The following REC114 variants were observed in gnomAD, a reference collection of about 807,000 sequenced individuals.
The protein encoded by REC114 is REC114 meiotic recombination protein.
REC114 carries 27 observed loss-of-function variants against 31.3 expected under a neutral mutation model. That is an observed-to-expected ratio of 0.86 (90% CI 0.64 to 1.19). The LOEUF (loss-of-function observed/expected upper bound fraction) is 1.19, where lower values mean the gene tolerates loss of function less well. Ranked by LOEUF, REC114 falls within the 50% of genes most tolerant of loss-of-function variation. REC114 has a pLI of 0.00. For missense variants in REC114, 344 were observed against 326.9 expected, an observed-to-expected ratio of 1.05 and a Z score of -0.40; for synonymous variants, 134 against 127.7, an observed-to-expected ratio of 1.05 and a Z score of -0.33.
At chr15:73,451,363 A>T (rs1892845508) in intron 1 of REC114, among the ~76,000 whole-genome samples, 2 of 152,356 alleles carry the variant, frequency 1.3e-5, no homozygotes, top group African/African-American at 4.8e-5. Flanking sequence ...CTCTACACAA[A>T]TAAACTAGAA....
At chr15:73,558,702 C>T (rs1384535091) in intron 5 of REC114, among the ~76,000 whole-genome samples, 2 of 152,196 alleles carry the variant, frequency 1.3e-5, no homozygotes, top group African/African-American at 4.8e-5. Flanking sequence ...CTCTCATCTA[C>T]ACTGCTAGTG....
intron 2 of REC114, among the ~76,000 whole-genome samples, chr15:73,502,903 C>T (rs914071691): frequency 6.6e-6 from 1 of 152,154 alleles, no homozygotes; most frequent in Non-Finnish European, 1.5e-5. Flanking sequence ...TTTTTCTATG[C>T]ATGCTTCAAT....
chr15:73,536,246 AT>A (rs1419363484), intron 2 of REC114, among the ~76,000 whole-genome samples: 1 of 152,042 alleles, frequency 6.6e-6, no homozygotes, highest in Non-Finnish European at 1.5e-5. Context: ...CTGAACCTCA[AT>A]TTTTCTGCCT....
intron 2 of REC114, among the ~76,000 whole-genome samples, chr15:73,523,392 C>G (rs1893963012): frequency 6.6e-6 from 1 of 151,956 alleles, no homozygotes; most frequent in African/African-American, 2.4e-5. Context: ...TACAGTTCAG[C>G]CTGTGCCTTA....
chr15:73,546,161 C>A (rs1566949178), intron 3 of REC114, among the ~76,000 whole-genome samples: 1 of 151,860 alleles, frequency 6.6e-6, no homozygotes, highest in African/African-American at 2.4e-5. Context: ...GTCAACCTCA[C>A]TTGTAATCAA....
chr15:73,454,111 G>C (rs1466927364), intron 1 of REC114, among the ~76,000 whole-genome samples: 1 of 151,678 alleles, frequency 6.6e-6, no homozygotes, highest in Non-Finnish European at 1.5e-5. Flanking sequence ...AGAACTTAAA[G>C]TATAATAAAG....
chr15:73,476,299 A>T (rs55809501), intron 2 of REC114, among the ~76,000 whole-genome samples: 16,186 of 152,178 alleles, frequency 0.11, 1,255 homozygotes, highest in African/African-American at 0.22. Flanking sequence ...TTCAATTTGA[A>T]GTGTTTTAAT....
intron 2 of REC114, among the ~76,000 whole-genome samples, chr15:73,507,301 G>A (rs1318263307): frequency 1.3e-5 from 2 of 152,096 alleles, no homozygotes; most frequent in Non-Finnish European, 2.9e-5. Flanking sequence ...TCCAACATGT[G>A]GGCCAGGATG....
intron 2 of REC114, among the ~76,000 whole-genome samples, chr15:73,531,013 C>G (rs541551417): frequency 1.2e-4 from 19 of 152,238 alleles, no homozygotes; most frequent in African/African-American, 4.1e-4. Flanking sequence ...GTTTTAACAG[C>G]AGGTGTGAAC....
intron 3 of REC114, among the ~76,000 whole-genome samples, chr15:73,541,799 T>C (rs2056142040): frequency 6.6e-6 from 1 of 152,144 alleles, no homozygotes; most frequent in Non-Finnish European, 1.5e-5. Context: ...ATACATGCTG[T>C]ATGTTTGATA....
intron 2 of REC114, among the ~76,000 whole-genome samples, chr15:73,487,246 G>A (rs1893382991): frequency 6.6e-6 from 1 of 152,096 alleles, no homozygotes; most frequent in Admixed American, 6.5e-5. Flanking sequence ...TATATTCATT[G>A]CATCCCAGTA....
intron 2 of REC114, among the ~76,000 whole-genome samples, chr15:73,521,916 T>C (rs1367034668): frequency 6.6e-6 from 1 of 152,138 alleles, no homozygotes; most frequent in Non-Finnish European, 1.5e-5. Context: ...TTCTAGATAA[T>C]AGAAAAAGGG....
chr15:73,508,445 AT>A (rs1021927809), intron 2 of REC114, among the ~76,000 whole-genome samples: 82 of 142,730 alleles, frequency 5.7e-4, no homozygotes, highest in African/African-American at 9.8e-4. Context: ...TTCTTTTTTA[AT>A]TTTTTTTTTA....
chr15:73,463,350 A>G (rs1337161437), intron 1 of REC114, among the ~76,000 whole-genome samples: 3 of 152,162 alleles, frequency 2.0e-5, no homozygotes, highest in Non-Finnish European at 4.4e-5. Flanking sequence ...TGAACTGGTC[A>G]TTGAATCTAG....
chr15:73,458,181 A>G lies in REC114; in HGVS notation c.159+14837A>G, dbSNP rs148930023. The stretch of plus-strand genomic sequence containing the variant: ...ATTCACTAAGTGGTACTGATACTAT[A>G]TGGAACTTTCAATTTACAAAGTATT... On this transcript the variant is annotated intron_variant, in intron 1 of 5. Transcript: ENST00000331090. Among the ~76,000 whole-genome samples the G allele has an allele frequency of 5.0e-3, 754 of 152,310 alleles. 6 individuals are homozygous for G. Among genetic ancestry groups the G allele is most frequent in the African/African-American group, 0.017 (715 of 41,568 alleles).
intron 2 of REC114, among the ~76,000 whole-genome samples, chr15:73,520,014 T>A (rs1001796106): frequency 3.3e-5 from 5 of 152,178 alleles, no homozygotes; most frequent in Non-Finnish European, 7.3e-5. Flanking sequence ...GAATATTAGT[T>A]TTTTTTGCAA....
At chr15:73,536,934 G>A (rs1444556452) in intron 2 of REC114, among the ~76,000 whole-genome samples, 1 of 152,132 alleles carries the variant, frequency 6.6e-6, no homozygotes, top group Non-Finnish European at 1.5e-5. Context: ...TGAATATATT[G>A]TGTGATGCTG....
At chr15:73,526,720 A>T (rs184940564) in intron 2 of REC114, among the ~76,000 whole-genome samples, 1 of 151,944 alleles carries the variant, frequency 6.6e-6, no homozygotes, top group African/African-American at 2.4e-5. Flanking sequence ...CTGTTGACTC[A>T]TTTTTCTCAA....
chr15:73,517,391 C>A (rs1486969457), intron 2 of REC114, among the ~76,000 whole-genome samples: 1 of 152,126 alleles, frequency 6.6e-6, no homozygotes, highest in Non-Finnish European at 1.5e-5. Context: ...CAAGAAGATA[C>A]ATGAAGCCTA....
Sources: gnomAD v4.1 joint callset for allele counts (sites outside exome capture counted in the v4.1 genomes callset) on GRCh38, gnomAD v4.1.1 for gene constraint, MANE v1.5 for transcripts, NCBI Gene and HGNC (gene_info 2026-07-23, HGNC 2026-07-21) for gene names.